The following ST3GAL3 variants were observed in gnomAD, a reference collection of about 807,000 sequenced individuals.
The protein encoded by ST3GAL3 is ST3 beta-galactoside alpha-2,3-sialyltransferase 3.
In ST3GAL3, 21 loss-of-function variants were observed where a neutral mutation model predicts 50.1. The ratio of observed to expected loss-of-function variants is 0.42; its 90% confidence interval spans 0.30 to 0.60. ST3GAL3 has a LOEUF of 0.60. Among genes scored for constraint, ST3GAL3 ranks in the 20% least tolerant of loss-of-function variants. The pLI, the probability that ST3GAL3 is intolerant of heterozygous loss-of-function variation, is 0.19. For missense variants in ST3GAL3, 353 were observed against 489.4 expected (o/e 0.72, Z 2.63); for synonymous variants, 183 against 190.0 (o/e 0.96, Z 0.30).
At chr1:43,788,982 G>T (rs1015249818) in intron 2 of ST3GAL3, among the ~76,000 whole-genome samples, 4 of 151,464 alleles carry the variant, frequency 2.6e-5, no homozygotes, top group African/African-American at 9.7e-5. Context: ...AAGACAATGT[G>T]TTCAACGTCT....
At chr1:43,864,325 G>A (rs1370859841) in intron 5 of ST3GAL3, among the ~76,000 whole-genome samples, 2 of 152,208 alleles carry the variant, frequency 1.3e-5, no homozygotes, top group African/African-American at 4.8e-5. Context: ...TGTGGTTACT[G>A]TAGCAACAGA....
chr1:43,859,460 G>GAGGC (rs2069342516), intron 5 of ST3GAL3, among the ~76,000 whole-genome samples: 1 of 152,082 alleles, frequency 6.6e-6, no homozygotes, highest in South Asian at 2.1e-4. Flanking sequence ...TCAGGAGGCT[G>GAGGC]AGGCAGGAGA....
At chr1:43,866,412 G>A (rs2906462) in intron 5 of ST3GAL3, among the ~76,000 whole-genome samples, 129,817 of 152,020 alleles carry the variant, frequency 0.85, 55,685 homozygotes, top group East Asian at 0.91. Flanking sequence ...CCCCATCTCT[G>A]CTAAAAATAG....
At chr1:43,878,077 C>G (rs2074423405) in intron 5 of ST3GAL3, among the ~76,000 whole-genome samples, 1 of 152,212 alleles carries the variant, frequency 6.6e-6, no homozygotes, top group South Asian at 2.1e-4. Context: ...TGGGCTCCCT[C>G]CAGATGCTCT....
chr1:43,900,516 G>C (rs1293102971), intron 9 of ST3GAL3, among the ~76,000 whole-genome samples: 2 of 151,676 alleles, frequency 1.3e-5, no homozygotes, highest in African/African-American at 4.8e-5. Flanking sequence ...ACTTGTCCAG[G>C]CCCACTCCCC....
At chr1:43,731,510 G>T (rs964457943) in intron 1 of ST3GAL3, among the ~76,000 whole-genome samples, 3 of 147,730 alleles carry the variant, frequency 2.0e-5, no homozygotes, top group African/African-American at 7.5e-5. Context: ...TCAGCCTCCC[G>T]AGTAGCTGGG....
At chr1:43,900,520 A>G (rs2078120454) in intron 9 of ST3GAL3, among the ~76,000 whole-genome samples, 1 of 150,738 alleles carries the variant, frequency 6.6e-6, no homozygotes, top group South Asian at 2.1e-4. Flanking sequence ...GTCCAGGCCC[A>G]CTCCCCCACA....
At chr1:43,895,326 C>T (rs2077240808) in intron 6 of ST3GAL3, among the ~76,000 whole-genome samples, 1 of 152,188 alleles carries the variant, frequency 6.6e-6, no homozygotes, top group South Asian at 2.1e-4. Flanking sequence ...CTCACCCACA[C>T]AGCTCCATGC....
At chr1:43,748,423 ATTTTTTTTTTTTTTT>A in intron 2 of ST3GAL3, among the ~76,000 whole-genome samples, 1 of 111,136 alleles carries the variant, frequency 9.0e-6, no homozygotes, top group African/African-American at 3.7e-5. Flanking sequence ...AACAGCCCCC[ATTTTTTTTTTTTTTT>A]TTTTTTTTGA....
intron 3 of ST3GAL3, chr1:43,799,715 G>C (rs112789396): frequency 6.6e-6 from 1 of 152,176 alleles, no homozygotes; most frequent in Non-Finnish European, 1.5e-5. Flanking sequence ...ATTTCAGTGA[G>C]TATTTATGCC....
chr1:43,865,020 A>ATT (rs34451408), intron 5 of ST3GAL3, among the ~76,000 whole-genome samples: 314 of 143,680 alleles, frequency 2.2e-3, no homozygotes, highest in East Asian at 8.4e-3. Context: ...TATGTACAAC[A>ATT]TTTTTTTTTT....
chr1:43,760,948 C>T (rs1690091494), intron 2 of ST3GAL3, among the ~76,000 whole-genome samples: 1 of 152,138 alleles, frequency 6.6e-6, no homozygotes, highest in South Asian at 2.1e-4. Flanking sequence ...AAACATTATG[C>T]TGAGAGAAAG....
intron 9 of ST3GAL3, chr1:43,913,749 C>T (rs897759735): frequency 4.6e-5 from 7 of 152,226 alleles, no homozygotes; most frequent in African/African-American, 1.7e-4. Flanking sequence ...TCCCAGTTCT[C>T]CAGTGCAGGG....
chr1:43,744,999 GAAA>G lies in ST3GAL3; in HGVS notation c.118+8623_118+8625del, dbSNP rs1351509047. On this transcript the variant is annotated intron_variant, in intron 2 of 11. Transcript: ENST00000347631. ...GAGTGAAACTGTGTTTGAAAAAAAA[GAAA>G]AAAGAAAGAAAGAAAGAAAGAAAAA... Among the ~76,000 whole-genome samples, 4 of 74,240 alleles carry G rather than the reference GAAA, an allele frequency of 5.4e-5. No individual in the cohort carries two copies. In the East Asian group the frequency reaches 3.3e-3, roughly 62 times the overall value. 48.7% of individuals were successfully genotyped at this position (74,240 alleles called of 152,430 possible). A position where few individuals can be genotyped will look rare whatever the true frequency, so the allele number is the denominator to read the frequency against.
chr1:43,838,511 G>A, intron 5 of ST3GAL3, 200 bp downstream of exon 5: 1 of 580,904 alleles, frequency 1.7e-6, no homozygotes, highest in Non-Finnish European at 3.2e-6. Flanking sequence ...CCTGCCTCTG[G>A]AGCTTGCACC....
At chr1:43,898,808 T>A (rs980975871) in intron 7 of ST3GAL3, among the ~76,000 whole-genome samples, 3 of 152,078 alleles carry the variant, frequency 2.0e-5, no homozygotes, top group African/African-American at 7.2e-5. Flanking sequence ...CTCGGCCCAC[T>A]TTTCCCTCTC....
intron 4 of ST3GAL3, chr1:43,824,862 C>G: frequency 1.1e-6 from 1 of 910,320 alleles, no homozygotes; most frequent in South Asian, 1.3e-5. Flanking sequence ...GAGGACACAG[C>G]CTTTGCATTA....
intron 11 of ST3GAL3, among the ~76,000 whole-genome samples, chr1:43,926,798 A>G (rs1373507915): frequency 3.3e-5 from 5 of 152,100 alleles, no homozygotes; most frequent in South Asian, 2.1e-4. Flanking sequence ...GAGAGGTGGC[A>G]TTGCCGGATC....
intron 2 of ST3GAL3, among the ~76,000 whole-genome samples, chr1:43,748,209 G>T (rs1158857589): frequency 6.6e-6 from 1 of 151,714 alleles, no homozygotes; most frequent in Non-Finnish European, 1.5e-5. Context: ...CACACAAATA[G>T]AAAATAAGAT....
Sources: allele counts gnomAD v4.1 joint callset (sites outside exome capture counted in the v4.1 genomes callset), GRCh38; gene constraint gnomAD v4.1.1; transcripts MANE v1.5; gene names NCBI Gene and HGNC (gene_info 2026-07-23, HGNC 2026-07-21).